The following PLPP1 variants were observed in gnomAD, a reference collection of about 807,000 sequenced individuals.
PLPP1 encodes the protein lipid phosphate phosphohydrolase 1a.
Under a neutral mutation model 31.2 loss-of-function variants are expected in PLPP1, and 24 were observed. That is an observed-to-expected ratio of 0.77 (90% CI 0.56 to 1.08). PLPP1 has a LOEUF of 1.08. Among genes scored for constraint, PLPP1 ranks in the 50% least tolerant of loss-of-function variants. The probability of loss-of-function intolerance (pLI) is 0.00; values close to 1 mark genes in which losing one functional copy is unlikely to be tolerated. For missense variants in PLPP1, 319 were observed against 342.7 expected (o/e 0.93, Z 0.55); for synonymous variants, 146 against 126.3 (o/e 1.16, Z -1.05).
chr5:55,474,221 T>C (rs1441764066), intron 2 of PLPP1, among the ~76,000 whole-genome samples: 1 of 152,064 alleles, frequency 6.6e-6, no homozygotes, highest in Non-Finnish European at 1.5e-5. Flanking sequence ...GGTCTCGAAC[T>C]CCTGATCTCA....
chr5:55,484,362 G>T (rs1280886110), intron 1 of PLPP1: 1 of 151,990 alleles, frequency 6.6e-6, no homozygotes, highest in Non-Finnish European at 1.5e-5. Flanking sequence ...TGCACTAGGT[G>T]CAATAGTCTT....
Position 55,425,994 on chromosome 5 carries a change from G to GT in PLPP1, c.594dup (p.Arg199ThrfsTer22), listed in dbSNP as rs1751177373. On this transcript the variant is annotated frameshift_variant, in exon 5 of 6. Coordinates refer to ENST00000307259, the MANE Select transcript of PLPP1 (RefSeq NM_003711.4). LOFTEE classifies it high-confidence loss of function. ...ACAAGACCAAATTGCAGTGTGGGGC[G>GT]TAAGAGTCTTGCCCAGTCTCCCTTC... 1 of 1,612,838 alleles carries GT rather than the reference G, an allele frequency of 6.2e-7. No homozygotes were observed. Among genetic ancestry groups the GT allele is most frequent in the Non-Finnish European group, 8.5e-7 (1 of 1,179,628 alleles).
rs116506970 is a variant in PLPP1, at chr5:55,470,146, A to G, written c.211-1997T>C. On this transcript the variant is annotated intron_variant, in intron 2 of 5. Transcript: ENST00000307259. ...TGCTTAGGGTTATCCCTGACTGCCA[A>G]CAGAGGAACCCTTTCCATTTCAGTA... Among the ~76,000 whole-genome samples the G allele has an allele frequency of 6.3e-3, 956 of 152,308 alleles. 11 individuals are homozygous for G. Among genetic ancestry groups the G allele is most frequent in the African/African-American group, 0.021 (874 of 41,554 alleles).
intron 1 of PLPP1, among the ~76,000 whole-genome samples, chr5:55,524,901 A>G (rs1306718666): frequency 6.6e-6 from 1 of 152,186 alleles, no homozygotes; most frequent in East Asian, 1.9e-4. Flanking sequence ...AGGTGACTAG[A>G]GTGTAGCTAA....
chr5:55,425,575 T>G, intron 5 of PLPP1: 1 of 456,000 alleles, frequency 2.2e-6, no homozygotes. Flanking sequence ...AAAGAGTTAT[T>G]TCTACATGTG....
chr5:55,511,345 C>A (rs1187246458), intron 1 of PLPP1, among the ~76,000 whole-genome samples: 2 of 152,014 alleles, frequency 1.3e-5, no homozygotes, highest in African/African-American at 4.8e-5. Context: ...CCTAAATATC[C>A]AAAAATGGGG....
At chr5:55,458,196 T>C (rs1372049700) in intron 3 of PLPP1, among the ~76,000 whole-genome samples, 1 of 152,160 alleles carries the variant, frequency 6.6e-6, no homozygotes, top group Non-Finnish European at 1.5e-5. Flanking sequence ...AGTGGGACAA[T>C]ATTATTGTCC....
chr5:55,517,653 TA>T (rs1403614804), intron 1 of PLPP1, among the ~76,000 whole-genome samples: 1 of 152,230 alleles, frequency 6.6e-6, no homozygotes, highest in Non-Finnish European at 1.5e-5. Context: ...TCAGGCAATG[TA>T]AATCACTATC....
chr5:55,474,243 T>C (rs749577507), intron 2 of PLPP1, among the ~76,000 whole-genome samples: 7 of 152,088 alleles, frequency 4.6e-5, no homozygotes, highest in Non-Finnish European at 8.8e-5. Context: ...GTGATCTGCC[T>C]GCCTCGGCCT....
chr5:55,525,179 CTAATA>C (rs1207335775), intron 1 of PLPP1, among the ~76,000 whole-genome samples: 13 of 152,264 alleles, frequency 8.5e-5, no homozygotes, highest in African/African-American at 2.9e-4. Flanking sequence ...GTTATTTCTA[CTAATA>C]TAATTATTAT....
chr5:55,429,617 AAGCAGCTAC>A (rs1186500580), intron 4 of PLPP1, among the ~76,000 whole-genome samples: 2 of 152,076 alleles, frequency 1.3e-5, no homozygotes, highest in Non-Finnish European at 2.9e-5. Context: ...CCCGAGTCCT[AAGCAGCTAC>A]AGCAGGGCAC....
At chr5:55,482,044 T>C (rs1298496272) in intron 1 of PLPP1, among the ~76,000 whole-genome samples, 1 of 147,910 alleles carries the variant, frequency 6.8e-6, no homozygotes, top group African/African-American at 2.5e-5. Flanking sequence ...TTTATTTATA[T>C]AAGATACATC....
intron 3 of PLPP1, among the ~76,000 whole-genome samples, chr5:55,465,488 C>A (rs980777122): frequency 5.3e-5 from 8 of 152,142 alleles, no homozygotes; most frequent in African/African-American, 1.9e-4. Flanking sequence ...GGCTTCCCCG[C>A]ACCACACTGG....
chr5:55,487,662 CATAA>C (rs1243308366), intron 1 of PLPP1, among the ~76,000 whole-genome samples: 3 of 151,992 alleles, frequency 2.0e-5, no homozygotes, highest in African/African-American at 7.2e-5. Flanking sequence ...TTATGTTAAG[CATAA>C]ATAATTCATT....
At chr5:55,432,418 T>C (rs1751380576) in intron 4 of PLPP1, among the ~76,000 whole-genome samples, 1 of 152,020 alleles carries the variant, frequency 6.6e-6, no homozygotes, top group South Asian at 2.1e-4. Flanking sequence ...TTGGTCCCAA[T>C]CCAGGACCAA....
chr5:55,531,517 A>C (rs560312668), intron 1 of PLPP1, among the ~76,000 whole-genome samples: 108 of 152,362 alleles, frequency 7.1e-4, no homozygotes, highest in African/African-American at 2.5e-3. Context: ...ATGTATCCAC[A>C]TTATAATTAT....
chr5:55,427,469 G>T (rs908449810), intron 4 of PLPP1, among the ~76,000 whole-genome samples: 1 of 152,132 alleles, frequency 6.6e-6, no homozygotes, highest in African/African-American at 2.4e-5. Context: ...TTTGTTTGTT[G>T]TTCAAGCTGT....
intron 1 of PLPP1, among the ~76,000 whole-genome samples, chr5:55,481,412 A>G (rs2111826982): frequency 6.6e-6 from 1 of 152,318 alleles, no homozygotes; most frequent in South Asian, 2.1e-4. Flanking sequence ...ACGAATCTAA[A>G]ACATACCAGA....
At chr5:55,474,744 C>A (rs1325293299) in intron 2 of PLPP1, among the ~76,000 whole-genome samples, 2 of 152,110 alleles carry the variant, frequency 1.3e-5, no homozygotes, top group African/African-American at 4.8e-5. Context: ...TAGGTACATA[C>A]ATACAGATAC....
Sources: gnomAD v4.1 joint callset for allele counts (sites outside exome capture counted in the v4.1 genomes callset) on GRCh38, gnomAD v4.1.1 for gene constraint, MANE v1.5 for transcripts, NCBI Gene and HGNC (gene_info 2026-07-23, HGNC 2026-07-21) for gene names.